Variants in PI15 observed in about 807,000 individuals in gnomAD.
PI15 encodes the protein peptidase inhibitor 15.
PI15 carries 18 observed loss-of-function variants against 31.0 expected under a neutral mutation model. The observed-to-expected ratio is 0.58, with a 90% CI of 0.40 to 0.86. The LOEUF (loss-of-function observed/expected upper bound fraction) is 0.86. PI15 is among the 40% of genes least tolerant of loss of function. PI15 has a pLI of 0.00. For missense variants in PI15, 282 were observed against 328.1 expected (o/e 0.86, Z 1.09); for synonymous variants, 118 against 119.1 (o/e 0.99, Z 0.06).
chr8:74,839,599 A>C (rs1418260116), intron 2 of PI15, among the ~76,000 whole-genome samples: 1 of 152,172 alleles, frequency 6.6e-6, no homozygotes, highest in Non-Finnish European at 1.5e-5. Context: ...TTATCTGTGA[A>C]AATACCTTAC....
At chr8:74,825,897 C>T (rs2128763071) in intron 2 of PI15, among the ~76,000 whole-genome samples, 1 of 152,176 alleles carries the variant, frequency 6.6e-6, no homozygotes, top group African/African-American at 2.4e-5. Context: ...TGTGCTTTAT[C>T]TCACAGTCAT....
rs560117837 is a variant in PI15 at position 74,832,519 on chromosome 8, A to G, written c.273+6997A>G. ...CTACTCAACAAATATGCAAGAAAAT[A>G]CCCCCCTCTGTTTTTTTAATGGTGC... On this transcript the variant is annotated intron_variant, in intron 2 of 5. Coordinates refer to ENST00000260113, the MANE Select transcript of PI15 (RefSeq NM_015886.5). Among the ~76,000 whole-genome samples, 21 of 150,944 alleles carry G rather than the reference A, an allele frequency of 1.4e-4. No homozygotes were observed. In the South Asian group the frequency reaches 3.4e-3, roughly 24 times the overall value.
intron 2 of PI15, among the ~76,000 whole-genome samples, chr8:74,830,213 T>C (rs748962270): frequency 6.6e-6 from 1 of 151,380 alleles, no homozygotes; most frequent in Non-Finnish European, 1.5e-5. Flanking sequence ...CCTTCACAGA[T>C]GGTATGGAGT....
At chr8:74,828,687 T>C (rs1235085015) in intron 2 of PI15, among the ~76,000 whole-genome samples, 21 of 152,110 alleles carry the variant, frequency 1.4e-4, no homozygotes, top group Admixed American at 1.4e-3. Context: ...CACAGATATA[T>C]GTGCTGTGAT....
At chr8:74,848,787 G>T (rs1287253650) in intron 5 of PI15, among the ~76,000 whole-genome samples, 1 of 149,870 alleles carries the variant, frequency 6.7e-6, no homozygotes, top group Non-Finnish European at 1.5e-5. Context: ...AGGCTGGAGT[G>T]CAGTGGTGCC....
chr8:74,827,877 G>C (rs1248866099), intron 2 of PI15, among the ~76,000 whole-genome samples: 1 of 152,096 alleles, frequency 6.6e-6, no homozygotes, highest in Non-Finnish European at 1.5e-5. Context: ...CATAGTAGGT[G>C]CTTTCTAAAT....
chr8:74,845,205 GCAACCCCAGATGT>G lies in PI15; in HGVS notation c.472_484del (p.Asn158LeufsTer2), dbSNP rs1350434144. Reference sequence around the variant, plus strand: ...TATGCTTTTCCATATCCCCAGGATTGCAACCCCAGATGTCCTATGAGATGTTTTGGTCCCATGT... The same window carrying G: ...TATGCTTTTCCATATCCCCAGGATTGCCTATGAGATGTTTTGGTCCCATGT... On this transcript the variant is annotated frameshift_variant, in exon 4 of 6. Transcript: ENST00000260113. LOFTEE classifies it high-confidence loss of function. 2 of 1,613,192 alleles carry G rather than the reference GCAACCCCAGATGT, an allele frequency of 1.2e-6. No homozygotes were observed. Among genetic ancestry groups the G allele is most frequent in the Non-Finnish European group, 1.7e-6 (2 of 1,179,136 alleles).
intron 2 of PI15, among the ~76,000 whole-genome samples, chr8:74,828,252 G>C (rs536906790): frequency 5.9e-4 from 90 of 152,220 alleles, no homozygotes; most frequent in African/African-American, 2.1e-3. Context: ...AAAGAGCCTG[G>C]AGGCAGGCAA....
At chr8:74,837,239 T>G (rs925253289) in intron 2 of PI15, among the ~76,000 whole-genome samples, 1 of 152,164 alleles carries the variant, frequency 6.6e-6, no homozygotes, top group African/African-American at 2.4e-5. Flanking sequence ...AAGGGAATGC[T>G]TTTTAAATCA....
At position 74,852,982 on chromosome 8, in the gene PI15, C is replaced by T. The variant is rs928246507; in HGVS notation, c.*3729C>T. 2 of 152,060 alleles carry T rather than the reference C, an allele frequency of 1.3e-5. No individual in the cohort carries two copies. The highest frequency in any genetic ancestry group is 2.9e-5 in the Non-Finnish European group (2 of 67,936). 9.4% of individuals were successfully genotyped at this position (152,060 alleles called of 1,614,324 possible). ...GTCTTAATTTCTAACATTATCTTTGCTTTTATGTTTCATAAAAATTTGTCA... is the reference window on the plus strand; with the variant it reads ...GTCTTAATTTCTAACATTATCTTTGTTTTTATGTTTCATAAAAATTTGTCA... On this transcript the variant is annotated 3_prime_UTR_variant, in exon 6 of 6. Transcript: ENST00000260113.
chr8:74,827,928 A>G (rs1225535021), intron 2 of PI15, among the ~76,000 whole-genome samples: 1 of 152,138 alleles, frequency 6.6e-6, no homozygotes, highest in African/African-American at 2.4e-5. Flanking sequence ...AGTAAGTGCT[A>G]GAAAGTAAAA....
intron 2 of PI15, among the ~76,000 whole-genome samples, chr8:74,829,929 T>A (rs192000649): frequency 3.4e-4 from 52 of 152,166 alleles, no homozygotes; most frequent in African/African-American, 1.2e-3. Flanking sequence ...TGAGCTGTAT[T>A]TTTGAAGAGT....
rs765751450 is a variant in PI15 at position 74,844,977 on chromosome 8, G to A, written c.393-151G>A. On this transcript the variant is annotated intron_variant, in intron 3 of 5. Coordinates refer to ENST00000260113, the MANE Select transcript of PI15 (RefSeq NM_015886.5). The stretch of plus-strand genomic sequence containing the variant: ...CCCTAGTTGGAGGAATAGAGGACCC[G>A]ACTAGGTGGTGATGGTGATTGTGAG... 1.2e-3 allele frequency: 823 copies of A among 661,694 alleles called. 1 individual carries two copies. The highest frequency in any genetic ancestry group is 3.7e-3 in the Admixed American group (142 of 38,728). 41.0% of individuals were successfully genotyped at this position (661,694 alleles called of 1,614,324 possible).
intron 2 of PI15, among the ~76,000 whole-genome samples, chr8:74,837,420 A>G (rs998091974): frequency 2.2e-4 from 33 of 152,042 alleles, no homozygotes; most frequent in Admixed American, 2.0e-3. Flanking sequence ...CTGGTTTAAC[A>G]CAAGTTCTTG....
rs34112666 is a variant in PI15 at position 74,847,445 on chromosome 8, CAA to C, written c.642-1659_642-1658del. On this transcript the variant is annotated intron_variant, in intron 5 of 5. Transcript: ENST00000260113. ...GGGCAACAAGAGCGAAACTCTGTCT[CAA>C]AAAAAAAAAAAAATACATAGAGGGA... 4.1e-3 allele frequency among the ~76,000 whole-genome samples: 525 copies of C among 128,586 alleles called. 1 individual carries two copies. The highest frequency in any genetic ancestry group is 0.028 in the Middle Eastern group (7 of 246). The allele number at this position is 128,586 out of a possible 152,430, so 84.4% of individuals were successfully genotyped here.
rs1811102551 is a variant in PI15 at position 74,851,429 on chromosome 8, T to C, written c.*2176T>C. The C allele has an allele frequency of 6.6e-6, 1 of 152,058 alleles. No individual in the cohort carries two copies. The highest frequency in any genetic ancestry group is 1.5e-5 in the Non-Finnish European group (1 of 67,952). 9.4% of individuals were successfully genotyped at this position (152,058 alleles called of 1,614,324 possible). A position where few individuals can be genotyped will look rare whatever the true frequency, so the allele number is the denominator to read the frequency against. On this transcript the variant is annotated 3_prime_UTR_variant, in exon 6 of 6. Transcript: ENST00000260113. Reference sequence around the variant, plus strand: ...TTGCTTCTGTGAGTTCACTTTTCAGTTCTAAGGAAGAATAATATTTGCTAC... The same window carrying C: ...TTGCTTCTGTGAGTTCACTTTTCAGCTCTAAGGAAGAATAATATTTGCTAC...
intron 3 of PI15, among the ~76,000 whole-genome samples, chr8:74,844,382 C>T (rs1319493641): frequency 6.6e-6 from 1 of 151,542 alleles, no homozygotes; most frequent in Admixed American, 6.6e-5. Context: ...TGTGCTGTAT[C>T]TTGCCCCCTC....
chr8:74,826,336 T>C, intron 2 of PI15: 1 of 953,298 alleles, frequency 1.0e-6, no homozygotes, highest in Non-Finnish European at 1.2e-6. Flanking sequence ...ATGAAGACCA[T>C]CAATATGGTA....
rs1026641599 is a variant in PI15, at chr8:74,827,541, A to G, written c.273+2019A>G. Among the ~76,000 whole-genome samples, 9 of 152,164 alleles carry G rather than the reference A, an allele frequency of 5.9e-5. No homozygotes were observed. The East Asian group carries it at 1.7e-3, about 29-fold the overall frequency. On this transcript the variant is annotated intron_variant, in intron 2 of 5. Coordinates refer to ENST00000260113, the MANE Select transcript of PI15 (RefSeq NM_015886.5). ...TTAACATTGTGATCTTCATTTTACA[A>G]ATGAAATCACTGAGACCCACAGATG...
Sources: allele counts gnomAD v4.1 joint callset (sites outside exome capture counted in the v4.1 genomes callset), GRCh38; gene constraint gnomAD v4.1.1; transcripts MANE v1.5; gene names NCBI Gene and HGNC (gene_info 2026-07-23, HGNC 2026-07-21).